The following ANKRD31 variants were observed in gnomAD, a reference collection of about 807,000 sequenced individuals.
ANKRD31 encodes the protein ankyrin repeat domain 31.
A neutral mutation model predicts 186.0 loss-of-function variants in ANKRD31; 147 were observed. That is an observed-to-expected ratio of 0.79 (90% CI 0.69 to 0.91). The LOEUF (loss-of-function observed/expected upper bound fraction) is 0.91, where lower values mean the gene tolerates loss of function less well. Among genes scored for constraint, ANKRD31 ranks in the 40% least tolerant of loss-of-function variants. The pLI is 0.00. For missense variants in ANKRD31, 1,986 were observed against 2,148.8 expected (o/e 0.92, Z 1.50); for synonymous variants, 673 against 736.4 (o/e 0.91, Z 1.39).
chr5:75,144,264 TC>T, intron 14 of ANKRD31, 93 bp from the exon 15 acceptor site: 1 of 392,496 alleles, frequency 2.5e-6, no homozygotes, highest in Non-Finnish European at 4.5e-6. Flanking sequence ...AAGTTTCTGT[TC>T]CACACTGGAC....
At chr5:75,132,941 C>A (rs1005127925) in intron 17 of ANKRD31, among the ~76,000 whole-genome samples, 1 of 152,128 alleles carries the variant, frequency 6.6e-6, no homozygotes, top group South Asian at 2.1e-4. Context: ...GAAATAAAAT[C>A]CTTCACAGAC....
chr5:75,222,760 G>A (rs1757381896), intron 2 of ANKRD31, among the ~76,000 whole-genome samples: 1 of 152,170 alleles, frequency 6.6e-6, no homozygotes, highest in South Asian at 2.1e-4. Context: ...CTTCATCCAT[G>A]TCCCTGCAAA....
chr5:75,100,328 G>A (rs1746737042), intron 22 of ANKRD31, among the ~76,000 whole-genome samples: 1 of 152,194 alleles, frequency 6.6e-6, no homozygotes, highest in Non-Finnish European at 1.5e-5. Flanking sequence ...TTGCTGAGGA[G>A]TGCTTTACTT....
intron 11 of ANKRD31, among the ~76,000 whole-genome samples, chr5:75,165,837 G>T (rs541648356): frequency 6.6e-6 from 1 of 152,166 alleles, no homozygotes; most frequent in East Asian, 1.9e-4. Flanking sequence ...ACATATTTAA[G>T]ATACATAACA....
chr5:75,137,282 T>G (rs1278770693), intron 17 of ANKRD31, among the ~76,000 whole-genome samples: 1 of 152,186 alleles, frequency 6.6e-6, no homozygotes, highest in Non-Finnish European at 1.5e-5. Context: ...TCTCCTATGC[T>G]TTGTCAAACA....
At chr5:75,105,398 G>A (rs74889701) in intron 21 of ANKRD31, among the ~76,000 whole-genome samples, 180 bp from the exon 22 acceptor site, 154 of 151,858 alleles carry the variant, frequency 1.0e-3, no homozygotes, top group African/African-American at 3.6e-3. Flanking sequence ...GCCTGTTGAC[G>A]CAAAATATTT....
intron 11 of ANKRD31, among the ~76,000 whole-genome samples, chr5:75,166,331 C>G (rs1752917935): frequency 6.6e-6 from 1 of 151,966 alleles, no homozygotes. Flanking sequence ...CTTAGCTGAG[C>G]ATGGTGATAC....
intron 12 of ANKRD31, among the ~76,000 whole-genome samples, chr5:75,149,303 A>G (rs904749865): frequency 6.6e-6 from 1 of 152,078 alleles, no homozygotes; most frequent in East Asian, 1.9e-4. Context: ...TATTTGACAG[A>G]GGAAGGAATA....
rs764017559 is a variant in ANKRD31, at chr5:75,210,858, T to C, written c.296A>G (p.Asp99Gly). 3.3e-6 allele frequency: 5 copies of C among 1,513,836 alleles called. No homozygotes were observed. The highest frequency in any genetic ancestry group is 5.0e-5 in the East Asian group (2 of 39,982). The allele number at this position is 1,513,836 out of a possible 1,614,324, so 93.8% of individuals were successfully genotyped here. Residue 99 changes from aspartate to glycine, a missense_variant, in exon 4 of 26, where the codon GAT (aspartate) becomes GGT (glycine). Physicochemically the swap from Asp to Gly is moderately conservative, Grantham distance 94. Transcript: ENST00000506364. Reference sequence around the variant, plus strand: ...CAGAGCTTGATTTCGTTCTGTTTCATCTTGAGACTGCTAGGAAAAAAAAAA... The same window carrying C: ...CAGAGCTTGATTTCGTTCTGTTTCACCTTGAGACTGCTAGGAAAAAAAAAA... ...LSEDTILQSQ[D>G]ETERNQALLQ...
chr5:75,102,609 A>G (rs1580330266), intron 22 of ANKRD31, among the ~76,000 whole-genome samples: 1 of 152,102 alleles, frequency 6.6e-6, no homozygotes, highest in Non-Finnish European at 1.5e-5. Context: ...CACTTTGTTT[A>G]CCTTCTCAAG....
rs1348989565 is a variant in ANKRD31 at position 75,146,924 on chromosome 5, A to G, written c.2487T>C (p.Val829=). The change falls in exon 14 of 26, where the codon GTT becomes GTC. Residue 829 remains valine (V), a synonymous_variant. Transcript: ENST00000506364. ...GGAAAGAAACAGCTTCAGTTTGGTC[A>G]ACAGATTCTAATTCCAAGCATTGAA... The part of the protein sequence containing the change: ...QEVQCLELES[V]DQTEAVSFPG... 2 of 1,536,416 alleles carry G rather than the reference A, an allele frequency of 1.3e-6. No homozygotes were observed. The highest frequency in any genetic ancestry group is 2.4e-5 in the East Asian group (1 of 40,884).
chr5:75,154,000 A>G (rs2150157967), intron 12 of ANKRD31, among the ~76,000 whole-genome samples: 1 of 152,188 alleles, frequency 6.6e-6, no homozygotes, highest in Admixed American at 6.5e-5. Flanking sequence ...GAAAAGTATT[A>G]CCTTTCTTTT....
rs1748293986 is a variant in ANKRD31, at chr5:75,116,594, T to G, written c.4127A>C (p.Gln1376Pro). 1.0e-5 allele frequency: 15 copies of G among 1,464,624 alleles called. No homozygotes were observed. Among genetic ancestry groups the G allele is most frequent in the Non-Finnish European group, 1.4e-5 (15 of 1,102,898 alleles). The allele number at this position is 1,464,624 out of a possible 1,614,324, so 90.7% of individuals were successfully genotyped here. ...AGAAAGGCTTTCTCTTGATCTTTCT[T>G]GGTGTGAAAGGGAAGATGAGTCAAT... ...KTIDSSSLSH[Q>P]ERSRESLSVH... The change falls in exon 19 of 26, where the codon CAA (glutamine) becomes CCA (proline). Residue 1376 changes from glutamine to proline, a missense_variant. Physicochemically the swap from Gln to Pro is moderately conservative, Grantham distance 76 (BLOSUM62 -1). Coordinates refer to ENST00000506364, the MANE Select transcript of ANKRD31 (RefSeq NM_001372053.1).
At position 75,130,774 on chromosome 5, in the gene ANKRD31, T is replaced by C. The variant is rs541641413; in HGVS notation, c.3876+7082A>G. On this transcript the variant is annotated intron_variant, in intron 17 of 25. Coordinates refer to ENST00000506364, the MANE Select transcript of ANKRD31 (RefSeq NM_001372053.1). ...CAATTAGCTAGACACAGAGCACTGA[T>C]TGGTGCGTTTACAATCCTTTAGCTA... Among the ~76,000 whole-genome samples, 36 of 152,284 alleles carry C rather than the reference T, an allele frequency of 2.4e-4. 1 individual carries two copies. Among genetic ancestry groups the C allele is most frequent in the African/African-American group, 8.4e-4 (35 of 41,568 alleles).
chr5:75,072,107 A>G (rs1466625266), intron 25 of ANKRD31, among the ~76,000 whole-genome samples: 8 of 152,240 alleles, frequency 5.3e-5, no homozygotes, highest in Admixed American at 2.0e-4. Flanking sequence ...ATTGACATTA[A>G]CTATTATTTT....
At chr5:75,087,624 G>A (rs979602828) in intron 23 of ANKRD31, among the ~76,000 whole-genome samples, 1 of 152,152 alleles carries the variant, frequency 6.6e-6, no homozygotes, top group Non-Finnish European at 1.5e-5. Flanking sequence ...TCCAAGAGGA[G>A]TAGAAGGAAG....
intron 9 of ANKRD31, 143 bp downstream of exon 9, chr5:75,192,522 ATG>A: frequency 1.6e-6 from 1 of 636,182 alleles, no homozygotes; most frequent in Admixed American, 3.0e-5. Context: ...AATGAGCTGT[ATG>A]GTTCTGGGAA....
chr5:75,114,658 T>C (rs538010606), intron 19 of ANKRD31, among the ~76,000 whole-genome samples: 6 of 152,208 alleles, frequency 3.9e-5, no homozygotes, highest in African/African-American at 1.4e-4. Context: ...CCATTCACAA[T>C]TGCTTCAAAG....
intron 3 of ANKRD31, among the ~76,000 whole-genome samples, chr5:75,219,831 A>G (rs1203899881): frequency 6.6e-6 from 1 of 152,196 alleles, no homozygotes; most frequent in African/African-American, 2.4e-5. Context: ...CCAGAAATAC[A>G]GCTACACATC....
Sources: gnomAD v4.1 joint callset for allele counts (sites outside exome capture counted in the v4.1 genomes callset) on GRCh38, gnomAD v4.1.1 for gene constraint, MANE v1.5 for transcripts, NCBI Gene and HGNC (gene_info 2026-07-23, HGNC 2026-07-21) for gene names.